CD5: variants seen among roughly 807,000 people sequenced by gnomAD.
CD5 encodes T-cell surface glycoprotein CD5.
In CD5, 36 loss-of-function variants were observed where a neutral mutation model predicts 60.3. That is an observed-to-expected ratio of 0.60 (90% CI 0.46 to 0.79). The LOEUF (loss-of-function observed/expected upper bound fraction) is 0.79. Ranked by LOEUF, CD5 falls within the 30% of genes least tolerant of loss-of-function variation. CD5 has a pLI of 0.00. For synonymous variants in CD5, 230 were observed against 257.6 expected, an observed-to-expected ratio of 0.89 and a Z score of 1.03; for missense variants, 540 against 630.6, an observed-to-expected ratio of 0.86 and a Z score of 1.54.
intron 1 of CD5, among the ~76,000 whole-genome samples, chr11:61,106,831 T>C (rs1258654826): frequency 6.6e-6 from 1 of 152,108 alleles, no homozygotes; most frequent in Non-Finnish European, 1.5e-5. Context: ...GTCTCATCTA[T>C]AAAAATAGGG....
intron 4 of CD5, 105 bp downstream of exon 4, chr11:61,119,082 T>C (rs1590773078): frequency 1.7e-6 from 2 of 1,195,592 alleles, no homozygotes. Flanking sequence ...TGTTTAGTAT[T>C]GGTGTGTTCT....
chr11:61,122,345 T>C (rs1861075884), intron 6 of CD5, among the ~76,000 whole-genome samples: 1 of 142,452 alleles, frequency 7.0e-6, no homozygotes, highest in African/African-American at 2.7e-5. Context: ...GATGGATGGA[T>C]GGATGGATCG....
intron 1 of CD5, among the ~76,000 whole-genome samples, chr11:61,105,981 C>T (rs1315321721): frequency 6.6e-6 from 1 of 151,954 alleles, no homozygotes; most frequent in Non-Finnish European, 1.5e-5. Flanking sequence ...AAAAATTAGC[C>T]GGGAGTGGTG....
chr11:61,108,546 T>C (rs1005541336), intron 1 of CD5, among the ~76,000 whole-genome samples: 1 of 152,236 alleles, frequency 6.6e-6, no homozygotes, highest in African/African-American at 2.4e-5. Flanking sequence ...AAAGCCCTGA[T>C]ACAGCTCCAA....
At position 61,122,984 on chromosome 11, in the gene CD5, C is replaced by G. The variant is rs1412213122; in HGVS notation, c.1177C>G (p.Leu393Val). 6.2e-7 allele frequency: 1 copy of G among 1,613,970 alleles called. No individual in the cohort carries two copies. The highest frequency in any genetic ancestry group is 8.5e-7 in the Non-Finnish European group (1 of 1,179,962). The change falls in exon 7 of 11, where the codon CTG (leucine) becomes GTG (valine). Residue 393 changes from leucine to valine, a missense_variant. Leu to Val is a conservative substitution (Grantham distance 32, BLOSUM62 1). Transcript: ENST00000347785. ...CCTGGCCCTGGTGCTCCTGGTGGTG[C>G]TGCTGGTCGTGTGCGGCCCCCTTGC... ...IILALVLLVVLLVVCGPLAYK... is the reference protein window; with the variant it reads ...IILALVLLVVVLVVCGPLAYK...
chr11:61,112,617 C>T (rs187644695), intron 1 of CD5, among the ~76,000 whole-genome samples: 3 of 151,366 alleles, frequency 2.0e-5, no homozygotes, highest in Non-Finnish European at 1.5e-5. Flanking sequence ...GCATTCCAGA[C>T]TGGGCAAGAG....
chr11:61,099,604 ATT>A (rs1215674569), upstream of CD5, among the ~76,000 whole-genome samples: 3 of 151,366 alleles, frequency 2.0e-5, no homozygotes, highest in South Asian at 2.1e-4. Context: ...TGGAGATCAC[ATT>A]CACACACATC....
intron 1 of CD5, among the ~76,000 whole-genome samples, chr11:61,112,782 G>A (rs1325003341): frequency 2.6e-5 from 4 of 152,174 alleles, no homozygotes; most frequent in East Asian, 1.9e-4. Flanking sequence ...CAACAGCCAC[G>A]AAAGGATCTT....
chr11:61,117,612 C>G (rs1344678147), intron 2 of CD5, among the ~76,000 whole-genome samples: 1 of 152,094 alleles, frequency 6.6e-6, no homozygotes, highest in Non-Finnish European at 1.5e-5. Flanking sequence ...CCTCAGCCTC[C>G]CGAGTAGCTA....
At chr11:61,116,689 C>G (rs570357275) in intron 2 of CD5, among the ~76,000 whole-genome samples, 33 of 134,500 alleles carry the variant, frequency 2.5e-4, no homozygotes, top group South Asian at 1.9e-3. Context: ...CTACACACAC[C>G]ACATACACAC....
the CD5 span, among the ~76,000 whole-genome samples, chr11:61,096,920 G>A: frequency 1.3e-5 from 2 of 152,138 alleles, no homozygotes; most frequent in African/African-American, 4.8e-5. Flanking sequence ...AAGGAATCCA[G>A]GTTCCTCTCA....
At chr11:61,102,893 G>T (rs1454905939) in intron 1 of CD5, among the ~76,000 whole-genome samples, 1 of 152,210 alleles carries the variant, frequency 6.6e-6, no homozygotes, top group Non-Finnish European at 1.5e-5. Flanking sequence ...CTGCAGGGGG[G>T]ACCCGCATTT....
chr11:61,112,406 G>A (rs904402005), intron 1 of CD5, among the ~76,000 whole-genome samples: 2 of 152,196 alleles, frequency 1.3e-5, no homozygotes, highest in African/African-American at 4.8e-5. Flanking sequence ...CACTTTGGGA[G>A]GCTGAGGGGG....
intron 5 of CD5, 148 bp downstream of exon 5, chr11:61,119,723 G>C (rs749836069): frequency 2.1e-5 from 13 of 630,058 alleles, no homozygotes; most frequent in Non-Finnish European, 3.6e-5. Context: ...GCCTCTAAGA[G>C]GTAACAAGGG....
chr11:61,116,572 CCACA>C (rs1351692044), intron 2 of CD5, among the ~76,000 whole-genome samples: 1 of 70,992 alleles, frequency 1.4e-5, no homozygotes, highest in Non-Finnish European at 2.9e-5. Context: ...CACACACACA[CCACA>C]CACACCACAT....
At chr11:61,110,825 C>T (rs1426841565) in intron 1 of CD5, among the ~76,000 whole-genome samples, 1 of 151,980 alleles carries the variant, frequency 6.6e-6, no homozygotes, top group Non-Finnish European at 1.5e-5. Flanking sequence ...GTGTAAAAGG[C>T]CCGGAAGAGT....
chr11:61,104,888 C>G (rs1354440445), intron 1 of CD5, among the ~76,000 whole-genome samples: 5 of 152,200 alleles, frequency 3.3e-5, no homozygotes, highest in Non-Finnish European at 5.9e-5. Flanking sequence ...TCACAGAGGC[C>G]CCTCCCTTAG....
At chr11:61,096,144 G>T in the CD5 span, among the ~76,000 whole-genome samples, 2 of 152,238 alleles carry the variant, frequency 1.3e-5, no homozygotes, top group South Asian at 4.1e-4. Context: ...AGAGGGAAAG[G>T]GGGGTTCTGG....
upstream of CD5, among the ~76,000 whole-genome samples, chr11:61,098,685 TCCC>T (rs1860615433): frequency 6.6e-6 from 1 of 152,184 alleles, no homozygotes. Flanking sequence ...TCAAGCAGAC[TCCC>T]TTAGAGTTGT....
Sources: allele counts gnomAD v4.1 joint callset (sites outside exome capture counted in the v4.1 genomes callset), GRCh38; gene constraint gnomAD v4.1.1; transcripts MANE v1.5; gene names NCBI Gene and HGNC (gene_info 2026-07-23, HGNC 2026-07-21).